FRMD5: variants seen among roughly 807,000 people sequenced by gnomAD.
FRMD5 encodes the protein FERM domain containing 5, also known as FERM domain-containing protein 5.
FRMD5 carries 20 observed loss-of-function variants against 69.0 expected under a neutral mutation model. The observed-to-expected ratio is 0.29, with a 90% CI of 0.20 to 0.42. FRMD5 has a LOEUF of 0.42. FRMD5 is among the 10% of genes least tolerant of loss of function. The pLI, the probability that FRMD5 is intolerant of heterozygous loss-of-function variation, is 1.00. For missense variants in FRMD5, 595 were observed against 708.6 expected (o/e 0.84, Z 1.82); for synonymous variants, 271 against 260.1 (o/e 1.04, Z -0.40).
At chr15:44,102,910 G>C (rs965794158) in intron 1 of FRMD5, among the ~76,000 whole-genome samples, 1 of 152,206 alleles carries the variant, frequency 6.6e-6, no homozygotes, top group Non-Finnish European at 1.5e-5. Flanking sequence ...GAGGCTTGGA[G>C]ACCTAAAAGG....
intron 1 of FRMD5, among the ~76,000 whole-genome samples, chr15:44,043,407 A>G (rs1232871620): frequency 6.6e-6 from 1 of 152,234 alleles, no homozygotes; most frequent in African/African-American, 2.4e-5. Context: ...CTTGCTTCAC[A>G]GAATTGGAAA....
chr15:43,919,326 C>A (rs1278839484), intron 4 of FRMD5, 133 bp downstream of exon 4: 2 of 816,746 alleles, frequency 2.4e-6, no homozygotes, highest in African/African-American at 1.7e-5. Context: ...ATACAGAAGT[C>A]ATTATATTTA....
chr15:43,943,228 G>T (rs1381226696), intron 1 of FRMD5, among the ~76,000 whole-genome samples: 2 of 152,076 alleles, frequency 1.3e-5, no homozygotes, highest in African/African-American at 4.8e-5. Flanking sequence ...GGCAACAACA[G>T]TGAAACTGTA....
At chr15:43,937,600 T>C (rs2089782866) in intron 1 of FRMD5, among the ~76,000 whole-genome samples, 1 of 147,578 alleles carries the variant, frequency 6.8e-6, no homozygotes, top group Non-Finnish European at 1.5e-5. Flanking sequence ...ATCGCGCCAC[T>C]GCACTCTGCA....
chr15:43,930,694 T>C (rs1348217946), intron 1 of FRMD5, among the ~76,000 whole-genome samples: 1 of 152,240 alleles, frequency 6.6e-6, no homozygotes, highest in Non-Finnish European at 1.5e-5. Context: ...GCCACACAGA[T>C]ATCTCTAGGT....
chr15:43,946,045 AC>A (rs779347272), intron 1 of FRMD5, among the ~76,000 whole-genome samples: 1 of 149,606 alleles, frequency 6.7e-6, no homozygotes, highest in Non-Finnish European at 1.5e-5. Flanking sequence ...ACAGAGCGAG[AC>A]TCTGTCTCAA....
intron 1 of FRMD5, among the ~76,000 whole-genome samples, chr15:44,177,153 A>G (rs2140550377): frequency 6.6e-6 from 1 of 152,292 alleles, no homozygotes; most frequent in East Asian, 1.9e-4. Context: ...CAATCCAGCA[A>G]TTCCACTCTT....
intron 1 of FRMD5, among the ~76,000 whole-genome samples, chr15:44,147,881 C>G (rs1006760809): frequency 2.2e-4 from 33 of 152,192 alleles, no homozygotes; most frequent in African/African-American, 8.0e-4. Context: ...ACTCCTGGAG[C>G]TGCTTGCACA....
At chr15:44,088,360 T>C (rs994966184) in intron 1 of FRMD5, among the ~76,000 whole-genome samples, 3 of 152,182 alleles carry the variant, frequency 2.0e-5, no homozygotes, top group Non-Finnish European at 2.9e-5. Context: ...TTTGTGTCTC[T>C]ATAGATTTGC....
At chr15:43,969,575 G>A (rs112097303) in intron 1 of FRMD5, among the ~76,000 whole-genome samples, 3 of 152,096 alleles carry the variant, frequency 2.0e-5, no homozygotes, top group African/African-American at 7.2e-5. Flanking sequence ...TAAATTGGTG[G>A]AATTTCTATA....
At chr15:43,980,338 G>T (rs2090529280) in intron 1 of FRMD5, among the ~76,000 whole-genome samples, 1 of 152,144 alleles carries the variant, frequency 6.6e-6, no homozygotes, top group Non-Finnish European at 1.5e-5. Flanking sequence ...GTGGGGTGTG[G>T]GGAGATATCC....
intron 1 of FRMD5, among the ~76,000 whole-genome samples, chr15:44,036,847 A>T (rs2140301444): frequency 6.6e-6 from 1 of 152,278 alleles, no homozygotes; most frequent in East Asian, 1.9e-4. Flanking sequence ...TGACTCTGCC[A>T]CTTCTTTTGG....
chr15:43,944,518 C>T (rs1034320878), intron 1 of FRMD5, among the ~76,000 whole-genome samples: 2 of 151,754 alleles, frequency 1.3e-5, no homozygotes, highest in African/African-American at 2.4e-5. Context: ...ACCTCCCGAA[C>T]TCCCGGGTTC....
rs8038832 is a variant in FRMD5, at chr15:43,950,169, G to A, written c.103-25860C>T. 1.0e-3 allele frequency among the ~76,000 whole-genome samples: 153 copies of A among 152,330 alleles called. 1 individual carries two copies. The highest frequency in any genetic ancestry group is 3.6e-3 in the African/African-American group (149 of 41,578). The stretch of plus-strand genomic sequence containing the variant: ...CTAGCTGAGGTACTGGTGGAATGGT[G>A]CAGCCTCTGAAGAAACCCATTCAGA... On this transcript the variant is annotated intron_variant, in intron 1 of 13. Transcript: ENST00000417257.
At chr15:44,043,615 A>C (rs187573445) in intron 1 of FRMD5, among the ~76,000 whole-genome samples, 12 of 152,328 alleles carry the variant, frequency 7.9e-5, no homozygotes, top group Non-Finnish European at 1.5e-4. Flanking sequence ...CTCAGAAATA[A>C]CACCACATGT....
chr15:43,989,551 G>A, intron 1 of FRMD5: 1 of 876,276 alleles, frequency 1.1e-6, no homozygotes, highest in Admixed American at 1.7e-5. Flanking sequence ...TCTCCTTGAT[G>A]TCATGCACAA....
intron 10 of FRMD5, among the ~76,000 whole-genome samples, chr15:43,886,356 C>T (rs2088663648): frequency 6.6e-6 from 1 of 152,170 alleles, no homozygotes; most frequent in Admixed American, 6.5e-5. Flanking sequence ...AAGAAACTAG[C>T]TTAACTTTAA....
intron 7 of FRMD5, among the ~76,000 whole-genome samples, chr15:43,893,387 A>G (rs2088840536): frequency 6.6e-6 from 1 of 152,116 alleles, no homozygotes; most frequent in African/African-American, 2.4e-5. Flanking sequence ...GGCTCTGTTG[A>G]ACATAGTGGG....
intron 1 of FRMD5, among the ~76,000 whole-genome samples, chr15:44,006,239 T>C (rs1275940279): frequency 6.6e-6 from 1 of 152,206 alleles, no homozygotes; most frequent in Non-Finnish European, 1.5e-5. Context: ...CAACAAAGCA[T>C]GGGTGACAGT....
Sources: gnomAD v4.1 joint callset for allele counts (sites outside exome capture counted in the v4.1 genomes callset) on GRCh38, gnomAD v4.1.1 for gene constraint, MANE v1.5 for transcripts, NCBI Gene and HGNC (gene_info 2026-07-23, HGNC 2026-07-21) for gene names.